The following CELF4 variants were observed in gnomAD, a reference collection of about 807,000 sequenced individuals.
The protein encoded by CELF4 is CUGBP Elav-like family member 4, also known as CUG-BP- and ETR-3-like factor 4.
Under a neutral mutation model 59.9 loss-of-function variants are expected in CELF4, and 18 were observed. That is an observed-to-expected ratio of 0.30 (90% CI 0.21 to 0.45). The LOEUF is 0.45. CELF4 is among the 20% of genes least tolerant of loss of function. CELF4 has a pLI of 1.00. For missense variants in CELF4, 456 were observed against 689.0 expected, an observed-to-expected ratio of 0.66 and a Z score of 3.79; for synonymous variants, 261 against 267.1, an observed-to-expected ratio of 0.98 and a Z score of 0.22.
At chr18:37,486,046 G>A in intron 1 of CELF4, 1 of 154,226 alleles carries the variant, frequency 6.5e-6, no homozygotes, top group African/African-American at 2.4e-5. Flanking sequence ...GCTGGGCGCT[G>A]CTCCCTCAGG....
chr18:37,347,640 T>A (rs2098311762), intron 2 of CELF4, among the ~76,000 whole-genome samples: 1 of 152,092 alleles, frequency 6.6e-6, no homozygotes. Context: ...TGAGCACATG[T>A]CTGCGGGCAT....
At chr18:37,550,075 C>T (rs2099982667) in intron 1 of CELF4, among the ~76,000 whole-genome samples, 1 of 16,566 alleles carries the variant, frequency 6.0e-5, no homozygotes, top group South Asian at 3.7e-3. Flanking sequence ...GCAATGTGGT[C>T]CAATGGGTGG....
At chr18:37,349,164 T>C (rs913654665) in intron 2 of CELF4, among the ~76,000 whole-genome samples, 1 of 152,210 alleles carries the variant, frequency 6.6e-6, no homozygotes, top group African/African-American at 2.4e-5. Context: ...GGAAACAGTG[T>C]TCGGAAACTC....
At chr18:37,321,716 G>A (rs2097127004) in intron 3 of CELF4, 87 bp downstream of exon 3, 2 of 938,732 alleles carry the variant, frequency 2.1e-6, no homozygotes, top group African/African-American at 3.2e-5. Context: ...GAGGAGGCGG[G>A]GAGTCGCTGC....
chr18:37,416,692 G>T (rs2099531582), intron 2 of CELF4, among the ~76,000 whole-genome samples: 2 of 152,328 alleles, frequency 1.3e-5, no homozygotes, highest in Admixed American at 1.3e-4. Flanking sequence ...CAAGCCCAGG[G>T]CTGGGTCTTC....
intron 2 of CELF4, among the ~76,000 whole-genome samples, chr18:37,337,054 C>G (rs1240176432): frequency 6.6e-6 from 1 of 152,196 alleles, no homozygotes; most frequent in African/African-American, 2.4e-5. Flanking sequence ...TGGTGGTCTG[C>G]CTGTCGACCC....
intron 1 of CELF4, among the ~76,000 whole-genome samples, chr18:37,494,287 G>A (rs2099922362): frequency 6.6e-6 from 1 of 152,178 alleles, no homozygotes; most frequent in Non-Finnish European, 1.5e-5. Context: ...CATATTGATG[G>A]CCTGTCCCCC....
chr18:37,353,476 T>C (rs961756931), intron 2 of CELF4, among the ~76,000 whole-genome samples: 5 of 150,510 alleles, frequency 3.3e-5, no homozygotes, highest in African/African-American at 4.9e-5. Context: ...GGAGAACCAA[T>C]TGGAACATCC....
intron 3 of CELF4, among the ~76,000 whole-genome samples, chr18:37,316,035 G>A (rs2096857633): frequency 5.3e-5 from 8 of 152,174 alleles, no homozygotes. Context: ...GGGAGGAGAG[G>A]AAGTGGTCAG....
At chr18:37,356,930 C>T (rs1456178185) in intron 2 of CELF4, among the ~76,000 whole-genome samples, 1 of 152,182 alleles carries the variant, frequency 6.6e-6, no homozygotes, top group Non-Finnish European at 1.5e-5. Flanking sequence ...TTCCTACACT[C>T]TTCCTCTCCC....
At chr18:37,423,788 G>C (rs115739500) in intron 2 of CELF4, among the ~76,000 whole-genome samples, 80 of 152,142 alleles carry the variant, frequency 5.3e-4, no homozygotes, top group African/African-American at 1.8e-3. Context: ...CAGGAGAATG[G>C]CTTTGGGAGG....
At chr18:37,565,222 G>C (rs1209985472) in intron 1 of CELF4, 134 bp downstream of exon 1, 1 of 933,780 alleles carries the variant, frequency 1.1e-6, no homozygotes. Context: ...TCCGCTGCCC[G>C]AGCGCCTCCC....
Position 37,358,218 on chromosome 18 carries a change from T to C in CELF4, c.370-36337A>G, listed in dbSNP as rs533811950. Among the ~76,000 whole-genome samples the C allele has an allele frequency of 4.6e-5, 7 of 152,250 alleles. No homozygotes were observed. In the East Asian group the frequency reaches 7.7e-4, roughly 17 times the overall value. Reference sequence around the variant, plus strand: ...GTGGGAGGGACCCGGTGGGAGGTAATTGAATCATGCGGGCAAGTCATTCCT... The same window carrying C: ...GTGGGAGGGACCCGGTGGGAGGTAACTGAATCATGCGGGCAAGTCATTCCT... On this transcript the variant is annotated intron_variant, in intron 2 of 12. Transcript: ENST00000420428.
Position 37,268,943 on chromosome 18 carries a change from G to C in CELF4, c.1099+1825C>G, listed in dbSNP as rs183345203. On this transcript the variant is annotated intron_variant, in intron 8 of 12. Transcript: ENST00000420428. ...AAGGAATTGTTTATGAGATGTGGCAGATTGTTACAAATAGGGGAAGAAACA... is the reference window on the plus strand; with the variant it reads ...AAGGAATTGTTTATGAGATGTGGCACATTGTTACAAATAGGGGAAGAAACA... Among the ~76,000 whole-genome samples the C allele has an allele frequency of 2.8e-3, 421 of 152,274 alleles. 1 individual carries two copies. Among genetic ancestry groups the C allele is most frequent in the Admixed American group, 6.2e-3 (95 of 15,298 alleles).
At chr18:37,463,535 G>A (rs978765836) in intron 2 of CELF4, among the ~76,000 whole-genome samples, 2 of 152,204 alleles carry the variant, frequency 1.3e-5, no homozygotes, top group Admixed American at 6.5e-5. Flanking sequence ...GGGTCACAAA[G>A]GAAGCTATAA....
rs1008922815 is a variant in CELF4, at chr18:37,321,901, G to C, written c.370-20C>G. On this transcript the variant is annotated intron_variant, in intron 2 of 12. Transcript: ENST00000420428. ...GTTCATCTGCAACAGAGCAGAGGGGGACAGCATTATAGCAGGCCTGCGGGT... is the reference window on the plus strand; with the variant it reads ...GTTCATCTGCAACAGAGCAGAGGGGCACAGCATTATAGCAGGCCTGCGGGT... The C allele has an allele frequency of 2.5e-6, 4 of 1,606,904 alleles. No homozygotes were observed. Among genetic ancestry groups the C allele is most frequent in the East Asian group, 2.2e-5 (1 of 44,744 alleles).
rs2067716280 is a variant in CELF4 at position 37,254,304 on chromosome 18, C to T, written c.1334-366G>A. Among the ~76,000 whole-genome samples, 2 of 151,822 alleles carry T rather than the reference C, an allele frequency of 1.3e-5. No homozygotes were observed. The highest frequency in any genetic ancestry group is 6.6e-5 in the Admixed American group (1 of 15,252). ...GCCTCGGCGGGAGAGGGCGGACACA[C>T]CTGCGGGTGGAGGAGTTTATTGGAC... On this transcript the variant is annotated intron_variant, in intron 11 of 12. Transcript: ENST00000420428. This position sits in a 1 kb window ranked among gnomAD's most constrained non-coding sequence, Gnocchi z 5.1.
chr18:37,521,647 C>T (rs1009412677), intron 1 of CELF4, among the ~76,000 whole-genome samples: 42 of 152,322 alleles, frequency 2.8e-4, no homozygotes, highest in African/African-American at 9.9e-4. Context: ...AGATGCACCA[C>T]GGCCCTCTGA....
chr18:37,307,285 A>C (rs574326753), intron 3 of CELF4, among the ~76,000 whole-genome samples: 57 of 152,286 alleles, frequency 3.7e-4, no homozygotes, highest in African/African-American at 1.3e-3. Context: ...ACAGCCCCAC[A>C]GTCGTGGGGC....
Sources: gnomAD v4.1 joint callset for allele counts (sites outside exome capture counted in the v4.1 genomes callset) on GRCh38, gnomAD v4.1.1 for gene constraint, Gnocchi (gnomAD v3.1) non-coding constraint, MANE v1.5 for transcripts, NCBI Gene and HGNC (gene_info 2026-07-23, HGNC 2026-07-21) for gene names.